The following TENM4 variants were observed in gnomAD, a reference collection of about 807,000 sequenced individuals.
TENM4 encodes teneurin-4.
A neutral mutation model predicts 243.3 loss-of-function variants in TENM4; 82 were observed. The observed-to-expected ratio is 0.34, with a 90% CI of 0.28 to 0.40. The LOEUF (loss-of-function observed/expected upper bound fraction) is 0.40, where lower values mean the gene tolerates loss of function less well. Among genes scored for constraint, TENM4 ranks in the 10% least tolerant of loss-of-function variants. The probability of loss-of-function intolerance (pLI) is 1.00; values close to 1 mark genes in which losing one functional copy is unlikely to be tolerated. For synonymous variants in TENM4, 1,412 were observed against 1,456.3 expected (o/e 0.97, Z 0.69); for missense variants, 3,138 against 3,673.3 (o/e 0.85, Z 3.77).
At chr11:79,333,567 A>C (rs1488880109) in intron 1 of TENM4, among the ~76,000 whole-genome samples, 1 of 152,202 alleles carries the variant, frequency 6.6e-6, no homozygotes, top group East Asian at 1.9e-4. Flanking sequence ...TTACTGACAG[A>C]GCCTATGCAC....
At chr11:79,299,210 C>T (rs1032445299) in intron 1 of TENM4, among the ~76,000 whole-genome samples, 114 of 152,290 alleles carry the variant, frequency 7.5e-4, no homozygotes, top group African/African-American at 2.7e-3. Context: ...GGGAGCTGGT[C>T]TGAAGTCCTT....
intron 2 of TENM4, among the ~76,000 whole-genome samples, chr11:79,242,249 T>A (rs1016317688): frequency 6.6e-6 from 1 of 152,214 alleles, no homozygotes; most frequent in African/African-American, 2.4e-5. Context: ...CAATGCATGT[T>A]CAGGAGGGAA....
At chr11:78,727,176 C>T (rs1245087555) in intron 22 of TENM4, among the ~76,000 whole-genome samples, 3 of 152,164 alleles carry the variant, frequency 2.0e-5, no homozygotes, top group Non-Finnish European at 4.4e-5. Context: ...GGGTTGGGCG[C>T]GGTGGCTCAC....
chr11:78,894,992 A>AC (rs1156890025), intron 7 of TENM4, among the ~76,000 whole-genome samples: 1 of 141,844 alleles, frequency 7.1e-6, no homozygotes, highest in East Asian at 2.1e-4. Flanking sequence ...AAAAAAAAAA[A>AC]AAAAAAAAAA....
At chr11:78,725,389 C>T (rs536710452) in intron 23 of TENM4, among the ~76,000 whole-genome samples, 85 of 152,288 alleles carry the variant, frequency 5.6e-4, no homozygotes, top group African/African-American at 1.9e-3. Flanking sequence ...TGTCCCATCC[C>T]GGCTCATGGT....
At chr11:79,407,931 T>A (rs1283865098) in intron 1 of TENM4, among the ~76,000 whole-genome samples, 2 of 150,190 alleles carry the variant, frequency 1.3e-5, no homozygotes, top group African/African-American at 2.5e-5. Context: ...TTTAAGAGAG[T>A]CTTGCTCTGT....
chr11:79,213,392 G>C (rs1047867826), intron 3 of TENM4, among the ~76,000 whole-genome samples: 10 of 152,156 alleles, frequency 6.6e-5, no homozygotes, highest in African/African-American at 2.4e-4. Flanking sequence ...TCTAATAGAA[G>C]AAGACAGAAA....
chr11:78,709,180 G>T (rs1307290363), intron 26 of TENM4, among the ~76,000 whole-genome samples: 2 of 146,410 alleles, frequency 1.4e-5, no homozygotes, highest in African/African-American at 5.2e-5. Context: ...CACCATGTTG[G>T]TCTTGAACTA....
intron 2 of TENM4, among the ~76,000 whole-genome samples, chr11:79,278,106 G>A (rs568303270): frequency 3.9e-5 from 6 of 152,342 alleles, no homozygotes; most frequent in Non-Finnish European, 5.9e-5. Context: ...GAGAGAGAGC[G>A]TATAGATCTG....
At chr11:78,838,523 G>A (rs1858173801) in intron 12 of TENM4, among the ~76,000 whole-genome samples, 1 of 152,100 alleles carries the variant, frequency 6.6e-6, no homozygotes, top group East Asian at 1.9e-4. Context: ...CTTCTAGCTT[G>A]ACTTTTAAAT....
At chr11:79,381,923 T>C (rs757126312) in intron 1 of TENM4, among the ~76,000 whole-genome samples, 1 of 152,076 alleles carries the variant, frequency 6.6e-6, no homozygotes, top group Non-Finnish European at 1.5e-5. Flanking sequence ...GCCTTGACAA[T>C]GGACGGGCTA....
intron 14 of TENM4, among the ~76,000 whole-genome samples, chr11:78,810,066 A>G (rs1158622514): frequency 6.6e-6 from 1 of 152,214 alleles, no homozygotes; most frequent in Non-Finnish European, 1.5e-5. Context: ...AGGGGGAGAA[A>G]AAAAAGTGAG....
At chr11:79,195,811 T>C (rs1016597987) in intron 3 of TENM4, among the ~76,000 whole-genome samples, 1 of 152,044 alleles carries the variant, frequency 6.6e-6, no homozygotes, top group African/African-American at 2.4e-5. Context: ...TGGGAAGGCA[T>C]GATTGGTTTT....
At chr11:78,873,880 C>T (rs559827881) in intron 9 of TENM4, among the ~76,000 whole-genome samples, 2 of 152,092 alleles carry the variant, frequency 1.3e-5, no homozygotes, top group South Asian at 4.2e-4. Context: ...AGCCTCCATG[C>T]CTTTGCTGAT....
intron 20 of TENM4, among the ~76,000 whole-genome samples, chr11:78,733,929 C>G (rs911131542): frequency 6.6e-6 from 1 of 152,194 alleles, no homozygotes; most frequent in Non-Finnish European, 1.5e-5. Flanking sequence ...TGGCTCACAT[C>G]TGTAATCCCA....
rs536155486 is a variant in TENM4, at chr11:78,696,602, T to C, written c.5087+4924A>G. ...GTTTATGGTTAGCCTCTAGGTATCATAGGTTTTAAATTCCCTTAGCAATTC... is the reference window on the plus strand; with the variant it reads ...GTTTATGGTTAGCCTCTAGGTATCACAGGTTTTAAATTCCCTTAGCAATTC... On this transcript the variant is annotated intron_variant, in intron 28 of 33. Transcript: ENST00000278550. Among the ~76,000 whole-genome samples, 6 of 152,342 alleles carry C rather than the reference T, an allele frequency of 3.9e-5. No homozygotes were observed. The South Asian group carries it at 1.2e-3, about 32-fold the overall frequency.
chr11:79,005,191 G>C (rs1858450840), intron 6 of TENM4, among the ~76,000 whole-genome samples: 2 of 152,160 alleles, frequency 1.3e-5, no homozygotes, highest in East Asian at 1.9e-4. Flanking sequence ...GTATAAAGAA[G>C]AGTTGATCCA....
intron 2 of TENM4, among the ~76,000 whole-genome samples, chr11:79,223,503 A>G (rs1864203391): frequency 6.6e-6 from 1 of 152,078 alleles, no homozygotes; most frequent in South Asian, 2.1e-4. Context: ...TATTTCTAAA[A>G]TGCAAACCTG....
chr11:78,722,585 G>A, intron 24 of TENM4, 83 bp downstream of exon 24: 1 of 1,537,426 alleles, frequency 6.5e-7, no homozygotes, highest in Non-Finnish European at 8.8e-7. Flanking sequence ...CACTTCCCTG[G>A]GCTCAGCAGG....
Sources: allele counts gnomAD v4.1 joint callset (sites outside exome capture counted in the v4.1 genomes callset), GRCh38; gene constraint gnomAD v4.1.1; transcripts MANE v1.5; gene names NCBI Gene and HGNC (gene_info 2026-07-23, HGNC 2026-07-21).